Variants in MICAL3 observed in about 807,000 individuals in gnomAD.
MICAL3 encodes the protein microtubule associated monooxygenase, calponin and LIM domain containing 3.
In MICAL3, 62 loss-of-function variants were observed where a neutral mutation model predicts 207.4. The observed-to-expected ratio is 0.30, with a 90% CI of 0.24 to 0.37. MICAL3 has a LOEUF of 0.37. Ranked by LOEUF, MICAL3 falls within the 10% of genes least tolerant of loss-of-function variation. The pLI is 1.00. For missense variants in MICAL3, 2,368 were observed against 2,635.6 expected (o/e 0.90, Z 2.22); for synonymous variants, 1,077 against 1,069.3 (o/e 1.01, Z -0.14).
chr22:17,923,500 A>G (rs1169906496), intron 1 of MICAL3, among the ~76,000 whole-genome samples: 3 of 152,184 alleles, frequency 2.0e-5, no homozygotes, highest in African/African-American at 7.2e-5. Flanking sequence ...GCTCCATTCC[A>G]CATCTACCCT....
chr22:17,833,635 C>T (rs1449410392), intron 20 of MICAL3, among the ~76,000 whole-genome samples: 1 of 152,216 alleles, frequency 6.6e-6, no homozygotes, highest in Non-Finnish European at 1.5e-5. Context: ...GGGTGCCCTG[C>T]CTATGGGGCT....
chr22:17,932,161 C>T (rs1485255833), intron 1 of MICAL3, among the ~76,000 whole-genome samples: 2 of 152,026 alleles, frequency 1.3e-5, no homozygotes, highest in African/African-American at 2.4e-5. Context: ...AGAGCAACCC[C>T]AAGACACATA....
At chr22:17,936,522 T>C (rs1933537124) in intron 1 of MICAL3, among the ~76,000 whole-genome samples, 1 of 151,224 alleles carries the variant, frequency 6.6e-6, no homozygotes, top group South Asian at 2.1e-4. Context: ...CGTGTATACC[T>C]ACGTATCAAA....
chr22:17,933,718 A>G (rs1161631893), intron 1 of MICAL3, among the ~76,000 whole-genome samples: 1 of 152,152 alleles, frequency 6.6e-6, no homozygotes, highest in Non-Finnish European at 1.5e-5. Flanking sequence ...CAAAATTGAT[A>G]GAGCACTAGC....
intron 19 of MICAL3, among the ~76,000 whole-genome samples, chr22:17,856,608 C>CTTTTTT (rs57588188): frequency 8.4e-5 from 8 of 94,878 alleles, no homozygotes; most frequent in African/African-American, 1.3e-4. Flanking sequence ...AAAATGTTTA[C>CTTTTTT]TTTTTTTTTT....
chr22:17,812,385 A>G (rs1428384213), intron 27 of MICAL3: 5 of 306,416 alleles, frequency 1.6e-5, no homozygotes, highest in Non-Finnish European at 2.4e-5. Flanking sequence ...AGTGTGTGCC[A>G]CAGCCCCATG....
At chr22:17,811,265 A>C (rs1156510976) in intron 27 of MICAL3, 3 of 155,322 alleles carry the variant, frequency 1.9e-5, no homozygotes, top group Non-Finnish European at 4.3e-5. Context: ...TGCTTCTAGG[A>C]GGCTTACAGG....
intron 1 of MICAL3, among the ~76,000 whole-genome samples, chr22:17,924,492 T>C (rs1361186776): frequency 6.6e-6 from 1 of 152,298 alleles, no homozygotes; most frequent in East Asian, 1.9e-4. Flanking sequence ...ACTGGAAATA[T>C]TCCAAAATCT....
chr22:17,806,716 G>T (rs149423412), intron 29 of MICAL3, among the ~76,000 whole-genome samples: 5 of 152,208 alleles, frequency 3.3e-5, no homozygotes, highest in East Asian at 3.9e-4. Flanking sequence ...AATTCTTTTT[G>T]ATTTTAAACT....
intron 1 of MICAL3, among the ~76,000 whole-genome samples, chr22:18,021,954 T>A (rs532625834): frequency 3.7e-4 from 57 of 152,180 alleles, no homozygotes; most frequent in Non-Finnish European, 7.3e-4. Flanking sequence ...CTTCTCTACT[T>A]AACCCAAATG....
chr22:17,917,114 G>A (rs2146289640), intron 1 of MICAL3, among the ~76,000 whole-genome samples: 1 of 152,198 alleles, frequency 6.6e-6, no homozygotes, highest in African/African-American at 2.4e-5. Flanking sequence ...CACTGTGAAA[G>A]CTGTGCCCTG....
chr22:17,873,757 G>A (rs1927963506), intron 16 of MICAL3, among the ~76,000 whole-genome samples: 1 of 152,260 alleles, frequency 6.6e-6, no homozygotes, highest in African/African-American at 2.4e-5. Flanking sequence ...GAGCCGCCCT[G>A]CTCACACCTA....
intron 11 of MICAL3, among the ~76,000 whole-genome samples, chr22:17,891,947 CCTA>C (rs1477118909): frequency 6.6e-6 from 1 of 152,200 alleles, no homozygotes; most frequent in South Asian, 2.1e-4. Flanking sequence ...AGGAGCGCCA[CCTA>C]CTGTGTGGCC....
rs1408943172 is a variant in MICAL3, at chr22:17,860,851, C to T, written c.2605+4048G>A. Reference sequence around the variant, plus strand: ...CAAAGCCCTGACCTGGAGTACGGCTCCCCAGTGTGAGGCTCCCGTGGTTCT... The same window carrying T: ...CAAAGCCCTGACCTGGAGTACGGCTTCCCAGTGTGAGGCTCCCGTGGTTCT... On this transcript the variant is annotated intron_variant, in intron 19 of 31. Coordinates refer to ENST00000441493, the MANE Select transcript of MICAL3 (RefSeq NM_015241.3). 3.0e-6 allele frequency: 3 copies of T among 985,294 alleles called. No homozygotes were observed. In the East Asian group the frequency reaches 3.4e-4, roughly 112 times the overall value. The allele number at this position is 985,294 out of a possible 1,614,324, so 61.0% of individuals were successfully genotyped here.
intron 1 of MICAL3, among the ~76,000 whole-genome samples, chr22:17,967,505 C>T (rs1184468933): frequency 6.8e-6 from 1 of 148,002 alleles, no homozygotes; most frequent in Admixed American, 6.7e-5. Flanking sequence ...CACACACACC[C>T]ACTCATGCCT....
chr22:17,799,462 A>G (rs1317678420), intron 29 of MICAL3, among the ~76,000 whole-genome samples: 1 of 152,160 alleles, frequency 6.6e-6, no homozygotes, highest in Non-Finnish European at 1.5e-5. Context: ...GCCACCGTAG[A>G]TTTTCCACTC....
intron 17 of MICAL3, among the ~76,000 whole-genome samples, chr22:17,868,167 T>C (rs1262964497): frequency 6.6e-6 from 1 of 152,208 alleles, no homozygotes; most frequent in Non-Finnish European, 1.5e-5. Flanking sequence ...TGTGAACTCA[T>C]CTGTCTTTTG....
At chr22:18,007,457 G>T (rs1923462113) in intron 1 of MICAL3, 1 of 151,370 alleles carries the variant, frequency 6.6e-6, no homozygotes, top group Non-Finnish European at 1.5e-5. Flanking sequence ...TAGAGTCAGG[G>T]TCTTGTTCTA....
At chr22:18,001,663 C>A (rs1012669996) in intron 1 of MICAL3, among the ~76,000 whole-genome samples, 32 of 152,242 alleles carry the variant, frequency 2.1e-4, no homozygotes, top group African/African-American at 7.7e-4. Flanking sequence ...CACGCTCAGT[C>A]TTGCCAGAAT....
Sources: gnomAD v4.1 joint callset for allele counts (sites outside exome capture counted in the v4.1 genomes callset) on GRCh38, gnomAD v4.1.1 for gene constraint, MANE v1.5 for transcripts, NCBI Gene and HGNC (gene_info 2026-07-23, HGNC 2026-07-21) for gene names.